ITGB1BP1: variants seen among roughly 807,000 people sequenced by gnomAD.
ITGB1BP1 encodes the protein integrin beta-1-binding protein 1.
ITGB1BP1 carries 20 observed loss-of-function variants against 28.0 expected under a neutral mutation model. The ratio of observed to expected loss-of-function variants is 0.71; its 90% CI spans 0.50 to 1.04. The LOEUF (loss-of-function observed/expected upper bound fraction) is 1.04, where lower values mean the gene tolerates loss of function less well. Ranked by LOEUF, ITGB1BP1 falls within the 50% of genes least tolerant of loss-of-function variation. ITGB1BP1 has a pLI of 0.00. For missense variants in ITGB1BP1, 228 were observed against 242.5 expected (o/e 0.94, Z 0.40); for synonymous variants, 103 against 89.5 (o/e 1.15, Z -0.85).
intron 1 of ITGB1BP1, among the ~76,000 whole-genome samples, chr2:9,419,501 G>C (rs1679535248): frequency 6.6e-6 from 1 of 152,164 alleles, no homozygotes; most frequent in East Asian, 1.9e-4. Flanking sequence ...CTGACACAAA[G>C]ACATTCCCAG....
chr2:9,414,161 C>G lies in ITGB1BP1; in HGVS notation c.151+17G>C. The stretch of plus-strand genomic sequence containing the variant: ...ATGAAAAGCGCAGACAATCAATGAT[C>G]CAACCCTTTTATGTACCTGAGCTTT... On this transcript the variant is annotated intron_variant, in intron 3 of 6. Coordinates refer to ENST00000355346, the MANE Select transcript of ITGB1BP1 (RefSeq NM_004763.5). The G allele has an allele frequency of 6.2e-7, 1 of 1,606,112 alleles. No individual in the cohort carries two copies. Among genetic ancestry groups the G allele is most frequent in the Non-Finnish European group, 8.5e-7 (1 of 1,172,898 alleles).
In ITGB1BP1 at chr2:9,412,368, A is replaced by G; in HGVS notation, c.189T>C (p.Phe63=). 6.2e-6 allele frequency: 10 copies of G among 1,612,288 alleles called. No individual in the cohort carries two copies. The highest frequency in any genetic ancestry group is 8.5e-6 in the Non-Finnish European group (10 of 1,179,394). The change falls in exon 4 of 7, where the codon TTT becomes TTC. Residue 63 remains phenylalanine (F), a synonymous_variant. Transcript: ENST00000355346. ...SNNNSDTCAE[F]RIKYVGAIEK... ...CAATGGCACCAACATATTTTATTCG[A>G]AATTCTGCACAGGTATCTGAATTAT...
chr2:9,423,391 TC>T lies in ITGB1BP1; in HGVS notation c.-55del. On this transcript the variant is annotated 5_prime_UTR_variant, in exon 1 of 7. Transcript: ENST00000355346. ...CGCTCACCTCGCAGCCGCGGGCCCA[TC>T]CCCGGGTTGCGGACTTCGGGGTCCG... 8.8e-7 allele frequency: 1 copy of T among 1,141,048 alleles called. No individual in the cohort carries two copies. The highest frequency in any genetic ancestry group is 1.1e-6 in the Non-Finnish European group (1 of 918,976). 70.7% of individuals were successfully genotyped at this position (1,141,048 alleles called of 1,614,324 possible).
chr2:9,417,668 C>T (rs776526907), intron 2 of ITGB1BP1, among the ~76,000 whole-genome samples: 13 of 152,176 alleles, frequency 8.5e-5, no homozygotes, highest in Non-Finnish European at 1.5e-4. Context: ...ATCTGCCTGC[C>T]TTGGCCTCCC....
chr2:9,412,490 G>T, intron 3 of ITGB1BP1, 85 bp from the exon 4 acceptor site: 1 of 1,129,036 alleles, frequency 8.9e-7, no homozygotes, highest in Non-Finnish European at 1.3e-6. Context: ...ATAAAAACCA[G>T]ACTGTCATTA....
chr2:9,422,752 C>G, intron 1 of ITGB1BP1: 2 of 985,638 alleles, frequency 2.0e-6, no homozygotes, highest in South Asian at 9.4e-5. Context: ...TACCACGTGC[C>G]ATGCACGGTG....
At chr2:9,419,947 C>A in intron 1 of ITGB1BP1, 2 of 537,806 alleles carry the variant, frequency 3.7e-6, no homozygotes, top group Non-Finnish European at 4.7e-6. Context: ...CAATTTTTTA[C>A]CAAAAACTGT....
intron 4 of ITGB1BP1, among the ~76,000 whole-genome samples, chr2:9,410,672 T>C (rs1157311648): frequency 6.6e-6 from 1 of 152,180 alleles, no homozygotes; most frequent in Non-Finnish European, 1.5e-5. Context: ...ACTCTTGGCC[T>C]CAAGTGATCT....
intron 4 of ITGB1BP1, among the ~76,000 whole-genome samples, chr2:9,410,445 T>G (rs1157192837): frequency 6.6e-6 from 1 of 151,930 alleles, no homozygotes; most frequent in African/African-American, 2.4e-5. Context: ...CAGGCTGGTG[T>G]TTTGTTTTGT....
chr2:9,418,445 G>C (rs895158369), intron 2 of ITGB1BP1, among the ~76,000 whole-genome samples, 181 bp downstream of exon 2: 1 of 152,178 alleles, frequency 6.6e-6, no homozygotes, highest in Admixed American at 6.5e-5. Context: ...AAACCTACCA[G>C]AACAGACAAA....
chr2:9,412,274 C>A lies in ITGB1BP1; in HGVS notation c.283G>T (p.Ala95Ser). 1 of 1,605,752 alleles carries A rather than the reference C, an allele frequency of 6.2e-7. No homozygotes were observed. Among genetic ancestry groups the A allele is most frequent in the Non-Finnish European group, 8.5e-7 (1 of 1,177,262 alleles). Residue 95 changes from alanine (A) to serine (S), a missense_variant, in exon 4 of 7, where the codon GCC (alanine) becomes TCC (serine). Physicochemically the swap from Ala to Ser is moderately conservative, Grantham distance 99. This residue lies in a region of ITGB1BP1 where 192 missense variants were observed against 181.6 expected (regional missense o/e 1.06). Transcript: ENST00000355346. ...PLDLINYIDV[A>S]QQDGKLPFVP... ...ACGGAATTTTTTTTTTTTACCTGGG[C>A]AACGTCTATATAATTTATCAGGTCT...
Position 9,405,604 on chromosome 2 carries a change from G to C in ITGB1BP1, c.*1230C>G, listed in dbSNP as rs897955303. On this transcript the variant is annotated 3_prime_UTR_variant, in exon 7 of 7. Transcript: ENST00000355346. ...TCCTTAATGCAGTGATTTATAATTA[G>C]AGCATGTTTAATAAGTTTACTCTTC... 1 of 152,564 alleles carries C rather than the reference G, an allele frequency of 6.6e-6. No individual in the cohort carries two copies. Among genetic ancestry groups the C allele is most frequent in the African/African-American group, 2.4e-5 (1 of 41,432 alleles). The allele number at this position is 152,564 out of a possible 1,614,324, so 9.5% of individuals were successfully genotyped here.
At chr2:9,408,709 C>T (rs1444254764) in intron 4 of ITGB1BP1, among the ~76,000 whole-genome samples, 1 of 152,126 alleles carries the variant, frequency 6.6e-6, no homozygotes, top group Non-Finnish European at 1.5e-5. Flanking sequence ...CTCTTCTTGG[C>T]CTCAGGTAAC....
intron 1 of ITGB1BP1, among the ~76,000 whole-genome samples, chr2:9,421,313 C>A (rs771564820): frequency 6.6e-6 from 1 of 152,124 alleles, no homozygotes; most frequent in African/African-American, 2.4e-5. Context: ...CATCATCAAC[C>A]CAGCGGCTTA....
At chr2:9,422,375 A>G in intron 1 of ITGB1BP1, 1 of 982,720 alleles carries the variant, frequency 1.0e-6, no homozygotes, top group South Asian at 4.7e-5. Flanking sequence ...CATTGATCTC[A>G]GCAAGGCAAA....
At chr2:9,417,835 A>G (rs548779141) in intron 2 of ITGB1BP1, among the ~76,000 whole-genome samples, 1 of 148,364 alleles carries the variant, frequency 6.7e-6, no homozygotes, top group East Asian at 2.0e-4. Context: ...GAAACTCTAT[A>G]TTTTACTTAT....
Position 9,405,314 on chromosome 2 carries a change from T to C in ITGB1BP1, c.*1520A>G, listed in dbSNP as rs780431665. On this transcript the variant is annotated 3_prime_UTR_variant, in exon 7 of 7. Transcript: ENST00000355346. ...AAGAGAAAGAAAAACATTGTAGATATCTATTTATATTTAAAGTTTATGTTT... is the reference window on the plus strand; with the variant it reads ...AAGAGAAAGAAAAACATTGTAGATACCTATTTATATTTAAAGTTTATGTTT... 6.6e-5 allele frequency: 10 copies of C among 152,468 alleles called. No individual in the cohort carries two copies. Among genetic ancestry groups the C allele is most frequent in the Admixed American group, 1.3e-4 (2 of 15,274 alleles). The allele number at this position is 152,468 out of a possible 1,614,324, so 9.4% of individuals were successfully genotyped here. A position where few individuals can be genotyped will look rare whatever the true frequency, so the allele number is the denominator to read the frequency against.
At chr2:9,406,969 C>G (rs1189900597) in intron 6 of ITGB1BP1, 64 bp from the exon 7 acceptor site, 11 of 1,241,714 alleles carry the variant, frequency 8.9e-6, no homozygotes, top group Non-Finnish European at 1.2e-5. Context: ...CTTAATTTGG[C>G]TAGCAGAGGC....
In ITGB1BP1 at chr2:9,404,949, T is replaced by G. The variant is rs943927185; in HGVS notation, c.*1885A>C. 7.2e-5 allele frequency: 11 copies of G among 152,640 alleles called. No individual in the cohort carries two copies. The highest frequency in any genetic ancestry group is 2.4e-4 in the African/African-American group (10 of 41,462). The allele number at this position is 152,640 out of a possible 1,614,324, so 9.5% of individuals were successfully genotyped here. A position where few individuals can be genotyped will look rare whatever the true frequency, so the allele number is the denominator to read the frequency against. ...TTAATTTCTGTTTGAACCCTTCATTTAATTTTCTCATAGATTTAAGTAAAC... is the reference window on the plus strand; with the variant it reads ...TTAATTTCTGTTTGAACCCTTCATTGAATTTTCTCATAGATTTAAGTAAAC... On this transcript the variant is annotated 3_prime_UTR_variant, in exon 7 of 7. Coordinates refer to ENST00000355346, the MANE Select transcript of ITGB1BP1 (RefSeq NM_004763.5).
Sources: gnomAD v4.1 joint callset for allele counts (sites outside exome capture counted in the v4.1 genomes callset) on GRCh38, gnomAD v4.1.1 for gene constraint, gnomAD v4.1.1 regional missense constraint, MANE v1.5 for transcripts, NCBI Gene and HGNC (gene_info 2026-07-23, HGNC 2026-07-21) for gene names.